Variants in HSD17B12 observed in about 807,000 individuals in gnomAD.
HSD17B12 encodes the protein hydroxysteroid 17-beta dehydrogenase 12, also known as very-long-chain 3-oxoacyl-CoA reductase.
HSD17B12 carries 32 observed loss-of-function variants against 39.3 expected under a neutral mutation model. The ratio of observed to expected loss-of-function variants is 0.81; its 90% CI spans 0.61 to 1.09. The LOEUF (loss-of-function observed/expected upper bound fraction) is 1.09. Ranked by LOEUF, HSD17B12 falls within the 50% of genes least tolerant of loss-of-function variation. The pLI is 0.00. For missense variants in HSD17B12, 342 were observed against 382.9 expected, an observed-to-expected ratio of 0.89 and a Z score of 0.89; for synonymous variants, 150 against 146.7, an observed-to-expected ratio of 1.02 and a Z score of -0.16.
At chr11:43,678,243 A>G (rs1949708566), upstream of HSD17B12, among the ~76,000 whole-genome samples, 1 of 152,034 alleles carries the variant, frequency 6.6e-6, no homozygotes, top group Admixed American at 6.6e-5. Flanking sequence ...TTTGAGAAGT[A>G]TCTGTTCATA....
Position 43,855,259 on chromosome 11 carries a change from CT to C in HSD17B12, c.*12del. 3 of 1,553,586 alleles carry C rather than the reference CT, an allele frequency of 1.9e-6. No homozygotes were observed. In the African/African-American group the frequency reaches 4.1e-5, roughly 21 times the overall value. On this transcript the variant is annotated 3_prime_UTR_variant, in exon 11 of 11. Transcript: ENST00000278353. ...ACCAAGAAGAACTAAGCATTGATAA[CT>C]GCATTGTAACTTGGCCAGATGCTCC...
chr11:43,631,100 C>T, the HSD17B12 span, among the ~76,000 whole-genome samples: 12 of 152,078 alleles, frequency 7.9e-5, no homozygotes, highest in African/African-American at 2.2e-4. Context: ...CCATAGCGCC[C>T]GACCAATAAT....
intron 9 of HSD17B12, among the ~76,000 whole-genome samples, chr11:43,850,418 C>T (rs1289784682): frequency 6.6e-6 from 1 of 152,134 alleles, no homozygotes; most frequent in South Asian, 2.1e-4. Context: ...GAATTTAATG[C>T]TCGGTAAAGG....
At chr11:43,698,395 A>G (rs370642297) in intron 1 of HSD17B12, among the ~76,000 whole-genome samples, 2 of 152,352 alleles carry the variant, frequency 1.3e-5, no homozygotes, top group East Asian at 3.9e-4. Context: ...TTTATAGTCT[A>G]CAGAAAAGTG....
intron 1 of HSD17B12, among the ~76,000 whole-genome samples, chr11:43,684,651 T>C (rs1330266864): frequency 6.6e-6 from 1 of 152,228 alleles, no homozygotes; most frequent in Non-Finnish European, 1.5e-5. Flanking sequence ...GAAGAATAAA[T>C]GATCCACTAA....
chr11:43,695,288 A>G (rs929726813), intron 1 of HSD17B12, among the ~76,000 whole-genome samples: 2 of 152,102 alleles, frequency 1.3e-5, no homozygotes, highest in African/African-American at 4.8e-5. Flanking sequence ...TTTAAAAATT[A>G]TCTTTATTGG....
intron 1 of HSD17B12, among the ~76,000 whole-genome samples, chr11:43,707,691 T>C (rs1950028436): frequency 6.6e-6 from 1 of 152,234 alleles, no homozygotes; most frequent in Non-Finnish European, 1.5e-5. Context: ...ACTTCTAAAA[T>C]AACATGCATA....
the HSD17B12 span, among the ~76,000 whole-genome samples, chr11:43,605,173 G>A: frequency 6.6e-6 from 1 of 152,118 alleles, no homozygotes; most frequent in South Asian, 2.1e-4. Flanking sequence ...GAGCCATGTG[G>A]GCACTGGACT....
the HSD17B12 span, among the ~76,000 whole-genome samples, chr11:43,612,361 A>T: frequency 9.1e-4 from 139 of 152,316 alleles, no homozygotes; most frequent in Non-Finnish European, 1.9e-3. Flanking sequence ...TATTTAATAC[A>T]ATTGCATTTT....
intron 4 of HSD17B12, among the ~76,000 whole-genome samples, chr11:43,803,288 C>T (rs1427271566): frequency 2.6e-5 from 4 of 152,118 alleles, no homozygotes; most frequent in African/African-American, 7.2e-5. Flanking sequence ...ATAGCCCCAT[C>T]AACTTTCTTC....
At chr11:43,615,016 A>C in the HSD17B12 span, among the ~76,000 whole-genome samples, 1 of 151,674 alleles carries the variant, frequency 6.6e-6, no homozygotes, top group African/African-American at 2.4e-5. Context: ...ATAGCCAGTG[A>C]TTTTTTTCAT....
chr11:43,796,096 A>G (rs1465854283), intron 3 of HSD17B12, among the ~76,000 whole-genome samples: 1 of 152,164 alleles, frequency 6.6e-6, no homozygotes, highest in Admixed American at 6.5e-5. Flanking sequence ...AGGATCCCCT[A>G]TGGCTAGAAC....
the HSD17B12 span, among the ~76,000 whole-genome samples, chr11:43,615,192 A>C: frequency 2.0e-5 from 3 of 152,182 alleles, no homozygotes; most frequent in Admixed American, 1.3e-4. Flanking sequence ...AGTAACTTTT[A>C]TTCTAGAACT....
the HSD17B12 span, chr11:43,569,312 T>C: frequency 8.5e-5 from 13 of 152,240 alleles, no homozygotes; most frequent in Middle Eastern, 3.2e-3. Context: ...TGGCACTTGC[T>C]GATAACAACA....
chr11:43,808,224 C>T (rs1262853351), intron 4 of HSD17B12, among the ~76,000 whole-genome samples: 4 of 151,948 alleles, frequency 2.6e-5, no homozygotes, highest in Non-Finnish European at 5.9e-5. Context: ...AGAAGGGAAC[C>T]TTCTTTGTGT....
At chr11:43,743,356 C>T (rs1285685617) in intron 1 of HSD17B12, among the ~76,000 whole-genome samples, 1 of 152,198 alleles carries the variant, frequency 6.6e-6, no homozygotes. Context: ...TGTCATCCCT[C>T]ATCCCCAGTC....
At chr11:43,718,834 A>T in intron 1 of HSD17B12, 1 of 874,354 alleles carries the variant, frequency 1.1e-6, no homozygotes, top group South Asian at 1.3e-5. Context: ...AGACACCACG[A>T]CTCCGGAAGC....
chr11:43,612,181 T>C, the HSD17B12 span, among the ~76,000 whole-genome samples: 1 of 152,206 alleles, frequency 6.6e-6, no homozygotes, highest in Non-Finnish European at 1.5e-5. Flanking sequence ...CTTTGAAAGC[T>C]GTATTTATGA....
At chr11:43,775,765 G>A (rs1372034816) in intron 3 of HSD17B12, among the ~76,000 whole-genome samples, 4 of 77,708 alleles carry the variant, frequency 5.1e-5, no homozygotes, top group Non-Finnish European at 1.0e-4. Context: ...CCCCTCCCCC[G>A]ATCCCACAAC....
Sources: gnomAD v4.1 joint callset for allele counts (sites outside exome capture counted in the v4.1 genomes callset) on GRCh38, gnomAD v4.1.1 for gene constraint, MANE v1.5 for transcripts, NCBI Gene and HGNC (gene_info 2026-07-23, HGNC 2026-07-21) for gene names.